The following RBFOX1 variants were observed in gnomAD, a reference collection of about 807,000 sequenced individuals.
RBFOX1 encodes RNA binding protein fox-1 homolog 1.
RBFOX1 carries 8 observed loss-of-function variants against 57.7 expected under a neutral mutation model. The ratio of observed to expected loss-of-function variants is 0.14; its 90% CI spans 0.08 to 0.25. The LOEUF is 0.25. Among genes scored for constraint, RBFOX1 ranks in the 10% least tolerant of loss-of-function variants. The probability of loss-of-function intolerance (pLI) is 1.00; values close to 1 mark genes in which losing one functional copy is unlikely to be tolerated. For missense variants in RBFOX1, 611 were observed against 548.5 expected (o/e 1.11, Z -1.14); for synonymous variants, 326 against 222.4 (o/e 1.47, Z -4.15).
At chr16:6,670,348 G>A (rs983558603) in intron 3 of RBFOX1, among the ~76,000 whole-genome samples, 6 of 152,036 alleles carry the variant, frequency 3.9e-5, no homozygotes, top group Admixed American at 6.5e-5. Context: ...GGGATTACAG[G>A]GGTGAGCCAC....
intron 4 of RBFOX1, chr16:7,510,130 A>AGGG (rs2074606119): frequency 1.0e-6 from 1 of 985,790 alleles, no homozygotes; most frequent in East Asian, 1.1e-4. Flanking sequence ...TCAGATGTTG[A>AGGG]GGGGGAGGTC....
rs531059173 is a variant in RBFOX1 at position 6,743,846 on chromosome 16, T to G, written c.-16+89196T>G. Among the ~76,000 whole-genome samples, 532 of 115,102 alleles carry G rather than the reference T, an allele frequency of 4.6e-3. 18 individuals are homozygous for G. Among genetic ancestry groups the G allele is most frequent in the African/African-American group, 0.018 (523 of 28,652 alleles). 75.5% of individuals were successfully genotyped at this position (115,102 alleles called of 152,430 possible). A position where few individuals can be genotyped will look rare whatever the true frequency, so the allele number is the denominator to read the frequency against. On this transcript the variant is annotated intron_variant, in intron 3 of 15. Transcript: ENST00000550418. ...TGACTATTTAAAAAATCATGTTCATTTATTTCTGATTATTTGTAACACATT... is the reference window on the plus strand; with the variant it reads ...TGACTATTTAAAAAATCATGTTCATGTATTTCTGATTATTTGTAACACATT...
At chr16:6,526,491 G>C (rs954404515) in intron 2 of RBFOX1, among the ~76,000 whole-genome samples, 2 of 152,088 alleles carry the variant, frequency 1.3e-5, no homozygotes, top group African/African-American at 4.8e-5. Flanking sequence ...TATTAGGTCT[G>C]AGGCTAGATG....
chr16:5,973,941 C>A (rs1177713540), intron 4 of RBFOX1, among the ~76,000 whole-genome samples: 1 of 152,178 alleles, frequency 6.6e-6, no homozygotes, highest in Non-Finnish European at 1.5e-5. Flanking sequence ...GGATGACCGG[C>A]ATTTTCATTT....
At chr16:5,569,438 CTTTTTTTTTTTTT>C (rs796279138) in intron 2 of RBFOX1, among the ~76,000 whole-genome samples, 1,488 of 49,260 alleles carry the variant, frequency 0.03, 26 homozygotes, top group African/African-American at 0.087. Flanking sequence ...AAGAAGTAAC[CTTTTTTTTTTTTT>C]TTTTTTTTTT....
chr16:5,492,201 T>C (rs1000544982), intron 2 of RBFOX1, among the ~76,000 whole-genome samples: 1 of 152,162 alleles, frequency 6.6e-6, no homozygotes, highest in Non-Finnish European at 1.5e-5. Context: ...TACCTACTCC[T>C]CTCTGCAGAT....
chr16:5,745,869 T>G (rs2052960942), intron 3 of RBFOX1, among the ~76,000 whole-genome samples: 1 of 152,214 alleles, frequency 6.6e-6, no homozygotes, highest in Non-Finnish European at 1.5e-5. Flanking sequence ...TTGCAAAAAT[T>G]TTCTCCCATT....
At chr16:7,475,852 G>T (rs1377167020) in intron 4 of RBFOX1, among the ~76,000 whole-genome samples, 1 of 152,220 alleles carries the variant, frequency 6.6e-6, no homozygotes, top group Admixed American at 6.5e-5. Context: ...AAGTTGTGAG[G>T]TAGCATTTAT....
intron 1 of RBFOX1, among the ~76,000 whole-genome samples, chr16:5,331,795 A>G (rs548839891): frequency 6.6e-6 from 1 of 152,242 alleles, no homozygotes. Flanking sequence ...TCACTGATGA[A>G]AGAGCTACCT....
At chr16:6,326,128 G>A (rs779589934) in intron 2 of RBFOX1, among the ~76,000 whole-genome samples, 2 of 152,194 alleles carry the variant, frequency 1.3e-5, no homozygotes, top group Non-Finnish European at 2.9e-5. Flanking sequence ...AAACTGCATG[G>A]TGGTACATTC....
At chr16:7,428,664 C>G (rs1214575123) in intron 4 of RBFOX1, among the ~76,000 whole-genome samples, 1 of 151,682 alleles carries the variant, frequency 6.6e-6, no homozygotes, top group East Asian at 1.9e-4. Context: ...AGTCACTGCA[C>G]CTGACCAGAG....
intron 7 of RBFOX1, among the ~76,000 whole-genome samples, chr16:7,589,127 G>A (rs924896614): frequency 6.6e-6 from 1 of 152,194 alleles, no homozygotes; most frequent in Non-Finnish European, 1.5e-5. Flanking sequence ...GCCTAATTCT[G>A]TTCACTCGAG....
At chr16:5,640,745 CACAT>C (rs1274365215) in intron 3 of RBFOX1, among the ~76,000 whole-genome samples, 1 of 150,976 alleles carries the variant, frequency 6.6e-6, no homozygotes, top group Non-Finnish European at 1.5e-5. Context: ...TGCACATACA[CACAT>C]GTACACCATG....
chr16:6,270,938 A>G (rs1323887508), intron 1 of RBFOX1, among the ~76,000 whole-genome samples: 4 of 152,258 alleles, frequency 2.6e-5, no homozygotes, highest in Non-Finnish European at 4.4e-5. Flanking sequence ...ACATTGCCGA[A>G]TAAATTCCAT....
intron 2 of RBFOX1, among the ~76,000 whole-genome samples, chr16:6,581,010 G>C (rs2097530035): frequency 6.6e-6 from 1 of 150,946 alleles, no homozygotes; most frequent in African/African-American, 2.4e-5. Flanking sequence ...GATGAAGAAT[G>C]TGAAAAATGT....
At chr16:7,464,991 C>T (rs2060247445) in intron 4 of RBFOX1, among the ~76,000 whole-genome samples, 1 of 152,046 alleles carries the variant, frequency 6.6e-6, no homozygotes. Context: ...GCCACCGAGC[C>T]CAGCTATTGT....
At chr16:6,852,828 C>A (rs1305080816) in intron 3 of RBFOX1, among the ~76,000 whole-genome samples, 1 of 151,282 alleles carries the variant, frequency 6.6e-6, no homozygotes, top group Non-Finnish European at 1.5e-5. Context: ...CTGGAAACTG[C>A]TTTCCAGGTG....
At chr16:6,568,037 G>A (rs1216182184) in intron 2 of RBFOX1, among the ~76,000 whole-genome samples, 1 of 152,090 alleles carries the variant, frequency 6.6e-6, no homozygotes, top group Non-Finnish European at 1.5e-5. Flanking sequence ...GAACAGGCTG[G>A]CCTTGAACTT....
intron 14 of RBFOX1, among the ~76,000 whole-genome samples, chr16:7,699,043 G>C (rs772208622): frequency 1.6e-4 from 25 of 152,192 alleles, no homozygotes; most frequent in Admixed American, 3.9e-4. Context: ...TACAAATGCA[G>C]AGCCTGTTTT....
Sources: gnomAD v4.1 joint callset for allele counts (sites outside exome capture counted in the v4.1 genomes callset) on GRCh38, gnomAD v4.1.1 for gene constraint, MANE v1.5 for transcripts, NCBI Gene and HGNC (gene_info 2026-07-23, HGNC 2026-07-21) for gene names.